DLK1: variants seen among roughly 807,000 people sequenced by gnomAD.
The protein encoded by DLK1 is protein delta homolog 1.
A neutral mutation model predicts 35.2 loss-of-function variants in DLK1; 9 were observed. That is an observed-to-expected ratio of 0.26 (90% CI 0.15 to 0.45). The LOEUF (loss-of-function observed/expected upper bound fraction) is 0.45. Among genes scored for constraint, DLK1 ranks in the 20% least tolerant of loss-of-function variants. DLK1 has a pLI of 1.00. For synonymous variants in DLK1, 231 were observed against 228.4 expected (o/e 1.01, Z -0.10); for missense variants, 522 against 528.5 (o/e 0.99, Z 0.12).
intron 3 of DLK1, among the ~76,000 whole-genome samples, chr14:100,731,339 T>C (rs2036504534): frequency 6.6e-6 from 1 of 152,186 alleles, no homozygotes; most frequent in African/African-American, 2.4e-5. Flanking sequence ...ATGGTGGGAA[T>C]ATACCAGTGC....
intron 3 of DLK1, among the ~76,000 whole-genome samples, chr14:100,731,788 C>T (rs894769953): frequency 6.6e-6 from 1 of 152,174 alleles, no homozygotes; most frequent in African/African-American, 2.4e-5. Flanking sequence ...TGGTGCCAGG[C>T]AAAGGGAACA....
At chr14:100,730,076 T>C (rs985818820) in intron 3 of DLK1, among the ~76,000 whole-genome samples, 1 of 152,232 alleles carries the variant, frequency 6.6e-6, no homozygotes, top group Non-Finnish European at 1.5e-5. Flanking sequence ...GCCCCTGCCC[T>C]GTACAGCCAG....
rs2036558101 is a variant in DLK1 at position 100,735,172 on chromosome 14, A to G, written c.*276A>G. On this transcript the variant is annotated 3_prime_UTR_variant, in exon 5 of 5. Transcript: ENST00000341267. ...ATTCTAAAATCTAAACTCAAATGAA[A>G]TTTCAAAAAAGACCAAAAAAAAACA... The G allele has an allele frequency of 3.0e-6, 1 of 335,172 alleles. No homozygotes were observed. Among genetic ancestry groups the G allele is most frequent in the Non-Finnish European group, 5.1e-6 (1 of 194,188 alleles). The allele number at this position is 335,172 out of a possible 1,614,324, so 20.8% of individuals were successfully genotyped here.
chr14:100,736,198 T>C lies in DLK1; in HGVS notation c.*1302T>C, dbSNP rs1013130932. On this transcript the variant is annotated 3_prime_UTR_variant, in exon 5 of 5. Coordinates refer to ENST00000341267, the MANE Select transcript of DLK1 (RefSeq NM_003836.7). ...TTTTTTTTTTTTAACAAAGAGCATC[T>C]ATCTTTTTTGCAAAAATAGAAAGAA... 1 of 151,764 alleles carries C rather than the reference T, an allele frequency of 6.6e-6. No homozygotes were observed. The highest frequency in any genetic ancestry group is 2.4e-5 in the African/African-American group (1 of 41,276). The allele number at this position is 151,764 out of a possible 1,614,324, so 9.4% of individuals were successfully genotyped here.
rs2036552008 is a variant in DLK1 at position 100,734,731 on chromosome 14, G to A, written c.987G>A (p.Lys329=). 1.2e-6 allele frequency: 2 copies of A among 1,614,134 alleles called. No homozygotes were observed. The highest frequency in any genetic ancestry group is 1.1e-5 in the South Asian group (1 of 91,084). The stretch of plus-strand genomic sequence containing the variant: ...CTGTGGGTATCGTCTTCCTCAACAA[G>A]TGCGAGACCTGGGTGTCCAACCTGC... ...LGTVGIVFLN[K]CETWVSNLRY... The change falls in exon 5 of 5, where the codon AAG becomes AAA. Residue 329 remains lysine (K), a synonymous_variant. Transcript: ENST00000341267. The surrounding 1 kb of genome is among the most constrained non-coding windows in gnomAD (Gnocchi z 7.4).
At chr14:100,731,019 G>C (rs1231811857) in intron 3 of DLK1, among the ~76,000 whole-genome samples, 1 of 142,940 alleles carries the variant, frequency 7.0e-6, no homozygotes, top group Non-Finnish European at 1.5e-5. Context: ...ACTGGCCCTG[G>C]CTTTCTGTTT....
intron 1 of DLK1, among the ~76,000 whole-genome samples, chr14:100,727,515 G>A (rs951352121): frequency 1.3e-5 from 2 of 152,188 alleles, no homozygotes; most frequent in African/African-American, 4.8e-5. Flanking sequence ...GTCTCGGGGC[G>A]GGAGTGGGGG....
Position 100,734,423 on chromosome 14 carries a change from A to C in DLK1, c.679A>C (p.Thr227Pro). 6.2e-7 allele frequency: 1 copy of C among 1,611,798 alleles called. No individual in the cohort carries two copies. Among genetic ancestry groups the C allele is most frequent in the Non-Finnish European group, 8.5e-7 (1 of 1,179,026 alleles). The change falls in exon 5 of 5, where the codon ACC (threonine) becomes CCC (proline). Residue 227 changes from threonine to proline, a missense_variant. Transcript: ENST00000341267. This position sits in a 1 kb window ranked among gnomAD's most constrained non-coding sequence, Gnocchi z 7.4. ...GAACGGGGGCACCTGCCTGCAGCACACCCAGGTGAGCTACGAGTGTCTGTG... is the reference window on the plus strand; with the variant it reads ...GAACGGGGGCACCTGCCTGCAGCACCCCCAGGTGAGCTACGAGTGTCTGTG... ...CQNGGTCLQH[T>P]QVSYECLCKP...
chr14:100,730,115 C>T (rs2036490643), intron 3 of DLK1, among the ~76,000 whole-genome samples: 1 of 152,204 alleles, frequency 6.6e-6, no homozygotes, highest in Admixed American at 6.5e-5. Flanking sequence ...GCTGAGCTCC[C>T]TCCCACCCCA....
In DLK1 at chr14:100,727,000, C is replaced by A. The variant is rs1174606390; in HGVS notation, c.-69C>A. 4.1e-6 allele frequency: 6 copies of A among 1,446,700 alleles called. No individual in the cohort carries two copies. Among genetic ancestry groups the A allele is most frequent in the Non-Finnish European group, 5.5e-6 (6 of 1,094,570 alleles). 89.6% of individuals were successfully genotyped at this position (1,446,700 alleles called of 1,614,324 possible). A position where few individuals can be genotyped will look rare whatever the true frequency, so the allele number is the denominator to read the frequency against. On this transcript the variant is annotated 5_prime_UTR_variant, in exon 1 of 5. Transcript: ENST00000341267. The surrounding 1 kb of genome is among the most constrained non-coding windows in gnomAD (Gnocchi z 4.2). ...CCCTTTCGCGTCCGCAACCAGAAGC[C>A]CAGTGCGGCGCCAGGAGCCGGACCC...
chr14:100,730,511 C>T (rs1306851626), intron 3 of DLK1, among the ~76,000 whole-genome samples: 1 of 152,172 alleles, frequency 6.6e-6, no homozygotes, highest in African/African-American at 2.4e-5. Context: ...TTGAGGCTGT[C>T]GTGGCCACAG....
At chr14:100,730,216 C>T (rs1302485748) in intron 3 of DLK1, among the ~76,000 whole-genome samples, 2 of 152,310 alleles carry the variant, frequency 1.3e-5, no homozygotes, top group East Asian at 1.9e-4. Context: ...CTCTGCTGCC[C>T]CTCACAGAAG....
intron 4 of DLK1, among the ~76,000 whole-genome samples, chr14:100,732,775 A>T (rs2036524622): frequency 6.6e-6 from 1 of 152,192 alleles, no homozygotes; most frequent in Admixed American, 6.5e-5. Flanking sequence ...GACCTCCCTG[A>T]ACAATGCTTC....
chr14:100,727,135 G>A lies in DLK1; in HGVS notation c.67G>A (p.Gly23Arg). ...GCTGGCTTTCGGCCACAGCACCTAT[G>A]GTGAGTTCCCCGGCGGCCCGGCTCG... ...LLLAFGHSTY[G>R]AECFPACNPQ... is the part of the protein sequence containing the mutation. The change falls in exon 1 of 5, where the codon GGG (glycine) becomes AGG (arginine). Residue 23 changes from glycine (G) to arginine (R), a missense_variant and splice_region_variant. Gly to Arg is a moderately radical substitution (Grantham distance 125). Transcript: ENST00000341267. 1.9e-6 allele frequency: 3 copies of A among 1,584,318 alleles called. No individual in the cohort carries two copies. Among genetic ancestry groups the A allele is most frequent in the Non-Finnish European group, 2.6e-6 (3 of 1,165,544 alleles).
At position 100,734,638 on chromosome 14, in the gene DLK1, C is replaced by T. The variant is rs765858460; in HGVS notation, c.894C>T (p.Leu298=). 3.7e-6 allele frequency: 6 copies of T among 1,613,892 alleles called. No homozygotes were observed. Among genetic ancestry groups the T allele is most frequent in the Non-Finnish European group, 5.1e-6 (6 of 1,180,044 alleles). The change falls in exon 5 of 5, where the codon CTC becomes CTT. Residue 298 remains leucine, a synonymous_variant. Transcript: ENST00000341267. This position sits in a 1 kb window ranked among gnomAD's most constrained non-coding sequence, Gnocchi z 7.4. ...AAGAGCTCAACAAGAAAACCCCTCTCCTCACCGAGGGCCAGGCCATCTGCT... is the reference window on the plus strand; with the variant it reads ...AAGAGCTCAACAAGAAAACCCCTCTTCTCACCGAGGGCCAGGCCATCTGCT... ...SMKELNKKTP[L]LTEGQAICFT...
intron 1 of DLK1, among the ~76,000 whole-genome samples, chr14:100,727,621 T>C (rs966872800): frequency 6.6e-5 from 10 of 152,150 alleles, no homozygotes; most frequent in African/African-American, 2.4e-5. Flanking sequence ...GCGACACTTC[T>C]GTCTGCAGCG....
rs746797564 is a variant in DLK1, at chr14:100,734,512, C to T, written c.768C>T (p.Thr256=). Residue 256 remains threonine (T), a synonymous_variant, in exon 5 of 5, where the codon ACC becomes ACT. Coordinates refer to ENST00000341267, the MANE Select transcript of DLK1 (RefSeq NM_003836.7). The surrounding 1 kb of genome is among the most constrained non-coding windows in gnomAD (Gnocchi z 7.4). ...GCGCGCTGAGCCCCCAGCAGGTCAC[C>T]CGTCTGCCCAGCGGCTATGGGCTGG... ...KKRALSPQQV[T]RLPSGYGLAY... The T allele has an allele frequency of 6.2e-7, 1 of 1,611,334 alleles. No homozygotes were observed. The highest frequency in any genetic ancestry group is 8.5e-7 in the Non-Finnish European group (1 of 1,178,622).
chr14:100,734,634 C>T lies in DLK1; in HGVS notation c.890C>T (p.Pro297Leu), dbSNP rs1365389034. ...ATGAAAGAGCTCAACAAGAAAACCC[C>T]TCTCCTCACCGAGGGCCAGGCCATC... ...VSMKELNKKTPLLTEGQAICF... is the reference protein window; with the variant it reads ...VSMKELNKKTLLLTEGQAICF... Residue 297 changes from proline (P) to leucine (L), a missense_variant, in exon 5 of 5, where the codon CCT (proline) becomes CTT (leucine). By Grantham distance (98) the Pro-to-Leu change is moderately conservative. Transcript: ENST00000341267. The surrounding 1 kb of genome is among the most constrained non-coding windows in gnomAD (Gnocchi z 7.4). The T allele has an allele frequency of 5.0e-6, 8 of 1,614,020 alleles. No homozygotes were observed. The highest frequency in any genetic ancestry group is 1.7e-5 in the Admixed American group (1 of 60,034).
At chr14:100,727,655 G>C (rs1447825256) in intron 1 of DLK1, among the ~76,000 whole-genome samples, 1 of 152,300 alleles carries the variant, frequency 6.6e-6, no homozygotes, top group East Asian at 1.9e-4. Context: ...GACAGCGAGA[G>C]AGTTGCCCCC....
Sources: gnomAD v4.1 joint callset for allele counts (sites outside exome capture counted in the v4.1 genomes callset) on GRCh38, gnomAD v4.1.1 for gene constraint, Gnocchi (gnomAD v3.1) non-coding constraint, MANE v1.5 for transcripts, NCBI Gene and HGNC (gene_info 2026-07-23, HGNC 2026-07-21) for gene names.